The following SUPT3H variants were observed in gnomAD, a reference collection of about 807,000 sequenced individuals.
The protein encoded by SUPT3H is SPT3 homolog, SAGA and STAGA complex component.
In SUPT3H, 44 loss-of-function variants were observed where a neutral mutation model predicts 44.3. That is an observed-to-expected ratio of 0.99 (90% confidence interval 0.78 to 1.28). SUPT3H has a LOEUF of 1.28. Among genes scored for constraint, SUPT3H ranks in the 50% most tolerant of loss-of-function variants. The pLI, the probability that SUPT3H is intolerant of heterozygous loss-of-function variation, is 0.00. For missense variants in SUPT3H, 380 were observed against 387.1 expected (o/e 0.98, Z 0.15); for synonymous variants, 124 against 125.6 (o/e 0.99, Z 0.09).
chr6:45,054,514 T>C (rs1010578606), intron 3 of SUPT3H, among the ~76,000 whole-genome samples: 1 of 152,232 alleles, frequency 6.6e-6, no homozygotes, highest in Non-Finnish European at 1.5e-5. Context: ...AAGGCTCCTG[T>C]GTCATGTAAA....
intron 10 of SUPT3H, among the ~76,000 whole-genome samples, chr6:44,891,070 T>C (rs1763238360): frequency 6.6e-6 from 1 of 152,180 alleles, no homozygotes. Flanking sequence ...ATGGCACATG[T>C]ATACCTATGT....
chr6:44,971,438 GA>G (rs1256795756), intron 6 of SUPT3H, among the ~76,000 whole-genome samples: 2 of 152,284 alleles, frequency 1.3e-5, no homozygotes, highest in East Asian at 3.9e-4. Flanking sequence ...AATCATGGCA[GA>G]AGGGGAAGCA....
At chr6:45,085,844 T>C (rs958889099) in intron 3 of SUPT3H, among the ~76,000 whole-genome samples, 13 of 152,058 alleles carry the variant, frequency 8.5e-5, no homozygotes, top group Admixed American at 6.6e-4. Context: ...TTTTTGCTTG[T>C]CTGGGGAAAA....
intron 2 of SUPT3H, among the ~76,000 whole-genome samples, chr6:45,255,308 T>C (rs928822262): frequency 6.6e-6 from 1 of 152,170 alleles, no homozygotes; most frequent in Non-Finnish European, 1.5e-5. Flanking sequence ...AGGGCTATAA[T>C]TAATTTTTAC....
At chr6:45,278,724 C>A (rs1389894775) in intron 2 of SUPT3H, among the ~76,000 whole-genome samples, 1 of 152,120 alleles carries the variant, frequency 6.6e-6, no homozygotes, top group East Asian at 1.9e-4. Flanking sequence ...GCAAGAATTA[C>A]ACAGAGAAGA....
intron 2 of SUPT3H, among the ~76,000 whole-genome samples, chr6:45,206,138 T>C (rs1048749771): frequency 3.3e-5 from 5 of 152,158 alleles, no homozygotes; most frequent in Admixed American, 2.6e-4. Context: ...AGAGATACAA[T>C]ACTGAACAAA....
chr6:45,166,430 A>T (rs1020067396), intron 2 of SUPT3H, among the ~76,000 whole-genome samples: 3 of 151,996 alleles, frequency 2.0e-5, no homozygotes, highest in Admixed American at 1.3e-4. Context: ...CTACTAAAAA[A>T]TACAAAAAAT....
intron 11 of SUPT3H, among the ~76,000 whole-genome samples, chr6:44,816,858 A>G (rs576638869): frequency 2.6e-5 from 4 of 152,064 alleles, no homozygotes; most frequent in African/African-American, 9.7e-5. Context: ...GATCGAGACC[A>G]GCCTAGGCAA....
chr6:45,053,530 A>C (rs1054465832), intron 3 of SUPT3H, among the ~76,000 whole-genome samples: 2 of 151,788 alleles, frequency 1.3e-5, no homozygotes, highest in Non-Finnish European at 2.9e-5. Flanking sequence ...AAATTGAGAA[A>C]ATAGCAGAGG....
At chr6:44,999,993 C>A (rs935515407) in intron 6 of SUPT3H, among the ~76,000 whole-genome samples, 1 of 151,756 alleles carries the variant, frequency 6.6e-6, no homozygotes, top group Non-Finnish European at 1.5e-5. Flanking sequence ...AATTACATTT[C>A]TATTTCTATA....
At chr6:44,907,761 C>T (rs1766344214) in intron 10 of SUPT3H, among the ~76,000 whole-genome samples, 1 of 152,144 alleles carries the variant, frequency 6.6e-6, no homozygotes, top group African/African-American at 2.4e-5. Context: ...TGATATTTTT[C>T]ATCTTGTACA....
rs925047087 is a variant in SUPT3H, at chr6:45,039,953, G to A, written c.187-19321C>T. Among the ~76,000 whole-genome samples, 9 of 152,162 alleles carry A rather than the reference G, an allele frequency of 5.9e-5. No homozygotes were observed. In the South Asian group the frequency reaches 1.7e-3, roughly 28 times the overall value. On this transcript the variant is annotated intron_variant, in intron 3 of 10. Transcript: ENST00000371459. ...AACTGTTATACAAATAAGAATAAAGGCTTTCAGCTTTTTAAACTGGCAACA... is the reference window on the plus strand; with the variant it reads ...AACTGTTATACAAATAAGAATAAAGACTTTCAGCTTTTTAAACTGGCAACA...
At chr6:44,899,825 C>G (rs1159890094) in intron 10 of SUPT3H, among the ~76,000 whole-genome samples, 1 of 152,144 alleles carries the variant, frequency 6.6e-6, no homozygotes, top group African/African-American at 2.4e-5. Flanking sequence ...TAGTACTTTT[C>G]CTGATGTACT....
chr6:44,992,742 GA>G (rs1780764585), intron 6 of SUPT3H, among the ~76,000 whole-genome samples: 1 of 152,096 alleles, frequency 6.6e-6, no homozygotes, highest in African/African-American at 2.4e-5. Flanking sequence ...AAGGGTGGGG[GA>G]CAAATGGGAA....
intron 3 of SUPT3H, among the ~76,000 whole-genome samples, chr6:45,025,343 C>A (rs1785803132): frequency 6.6e-6 from 1 of 152,146 alleles, no homozygotes; most frequent in African/African-American, 2.4e-5. Context: ...AGTTTTGTAA[C>A]ACTCCTGCCT....
At chr6:45,307,337 C>A (rs889862847) in intron 2 of SUPT3H, among the ~76,000 whole-genome samples, 2 of 152,216 alleles carry the variant, frequency 1.3e-5, no homozygotes, top group Admixed American at 1.3e-4. Flanking sequence ...GGGTCCCTGA[C>A]ACCCGAGTAG....
intron 3 of SUPT3H, among the ~76,000 whole-genome samples, chr6:45,090,802 T>A (rs1322850021): frequency 6.6e-6 from 1 of 151,798 alleles, no homozygotes; most frequent in Non-Finnish European, 1.5e-5. Flanking sequence ...AGTGAAAAAA[T>A]TATTATTCTT....
At chr6:45,114,955 T>C (rs1393242842) in intron 2 of SUPT3H, among the ~76,000 whole-genome samples, 3 of 152,160 alleles carry the variant, frequency 2.0e-5, no homozygotes, top group Non-Finnish European at 2.9e-5. Flanking sequence ...CAGAACTCAT[T>C]GTACAACAAC....
chr6:45,189,139 A>G (rs930230401), intron 2 of SUPT3H, among the ~76,000 whole-genome samples: 5 of 152,200 alleles, frequency 3.3e-5, no homozygotes, highest in Admixed American at 6.5e-5. Context: ...AAAAAAATAA[A>G]ATAAAATGTG....
Sources: gnomAD v4.1 joint callset for allele counts (sites outside exome capture counted in the v4.1 genomes callset) on GRCh38, gnomAD v4.1.1 for gene constraint, MANE v1.5 for transcripts, NCBI Gene and HGNC (gene_info 2026-07-23, HGNC 2026-07-21) for gene names.